Variants in NUP188 observed in about 807,000 individuals in gnomAD.
NUP188 encodes nucleoporin NUP188.
In NUP188, 97 loss-of-function variants were observed where a neutral mutation model predicts 223.0. The ratio of observed to expected loss-of-function variants is 0.43; its 90% confidence interval spans 0.37 to 0.51. The LOEUF (loss-of-function observed/expected upper bound fraction) is 0.51. Ranked by LOEUF, NUP188 falls within the 20% of genes least tolerant of loss-of-function variation. The pLI, the probability that NUP188 is intolerant of heterozygous loss-of-function variation, is 0.00. For synonymous variants in NUP188, 869 were observed against 828.0 expected (o/e 1.05, Z -0.85); for missense variants, 1,947 against 2,175.6 (o/e 0.89, Z 2.09).
Position 128,983,334 on chromosome 9 carries a change from C to CT in NUP188, c.1840dup (p.Cys614LeufsTer19). 3 of 1,614,202 alleles carry CT rather than the reference C, an allele frequency of 1.9e-6. No individual in the cohort carries two copies. Among genetic ancestry groups the CT allele is most frequent in the Non-Finnish European group, 2.5e-6 (3 of 1,180,036 alleles). On this transcript the variant is annotated frameshift_variant, in exon 18 of 44. Transcript: ENST00000372577. LOFTEE classifies it high-confidence loss of function. Reference sequence around the variant, plus strand: ...TCCCCACCTGTGGATGTCATTGCTTCTTGTGTCAACTGCTTAACTGTTTTG... The same window carrying CT: ...TCCCCACCTGTGGATGTCATTGCTTCTTTGTGTCAACTGCTTAACTGTTTTG...
chr9:128,999,334 G>A lies in NUP188; in HGVS notation c.3661+17G>A, dbSNP rs1842594595. On this transcript the variant is annotated intron_variant, in intron 33 of 43. Transcript: ENST00000372577. Reference sequence around the variant, plus strand: ...AGATGAAAGGTGAGGGGCAGAGGCAGGGGGAGCAGCAGCTGCAGTCTGCCC... The same window carrying A: ...AGATGAAAGGTGAGGGGCAGAGGCAAGGGGAGCAGCAGCTGCAGTCTGCCC... 6.2e-7 allele frequency: 1 copy of A among 1,611,712 alleles called. No homozygotes were observed. The highest frequency in any genetic ancestry group is 1.1e-5 in the South Asian group (1 of 90,976).
chr9:128,992,144 G>A (rs561125954), intron 25 of NUP188, among the ~76,000 whole-genome samples: 139 of 151,744 alleles, frequency 9.2e-4, no homozygotes, highest in Non-Finnish European at 9.7e-4. Flanking sequence ...TGATCTGCCC[G>A]CTTGGCCTCC....
chr9:128,967,882 G>A (rs1842053092), intron 8 of NUP188, among the ~76,000 whole-genome samples: 1 of 152,178 alleles, frequency 6.6e-6, no homozygotes, highest in African/African-American at 2.4e-5. Flanking sequence ...GATTGCTTGA[G>A]CCCGGTGGGT....
chr9:128,993,255 C>G lies in NUP188; in HGVS notation c.2699C>G (p.Ala900Gly), dbSNP rs1410521249. The G allele has an allele frequency of 4.3e-6, 7 of 1,614,194 alleles. No homozygotes were observed. Among genetic ancestry groups the G allele is most frequent in the South Asian group, 1.1e-5 (1 of 91,086 alleles). ...LGNDAAAIRD[A>G]FLTRLQSKIE... ...AATGATGCGGCTGCCATTCGTGATG[C>G]CTTCCTGACCCGATTGCAGAGCAAA... The change falls in exon 26 of 44, where the codon GCC becomes GGC. Residue 900 changes from alanine (A) to glycine (G), a missense_variant. Transcript: ENST00000372577.
At chr9:128,979,046 A>G (rs1289161895) in intron 12 of NUP188, among the ~76,000 whole-genome samples, 1 of 152,104 alleles carries the variant, frequency 6.6e-6, no homozygotes, top group Non-Finnish European at 1.5e-5. Context: ...CTGACTTTCT[A>G]TATTAAGGTG....
rs749326243 is a variant in NUP188, at chr9:128,983,027, C to T, written c.1795C>T (p.Arg599Trp). 1.5e-5 allele frequency: 25 copies of T among 1,613,788 alleles called. No homozygotes were observed. Among genetic ancestry groups the T allele is most frequent in the South Asian group, 5.5e-5 (5 of 91,066 alleles). The change falls in exon 17 of 44, where the codon CGG becomes TGG. Residue 599 changes from arginine (R) to tryptophan (W), a missense_variant and splice_region_variant. Arg to Trp is a moderately radical substitution (Grantham distance 101). Around this residue, in one of 3 missense-constraint regions of NUP188, gnomAD observed 817 missense variants for 865.8 expected, o/e 0.94. Transcript: ENST00000372577. ...ITSRIYMLLQ[R>W]LTTVISPPVD... ...ATCTCGCATCTACATGCTGCTGCAG[C>T]GGTGAGTCTGTCTTGGCTGACCCTC...
At chr9:128,956,200 T>TGC (rs1187094045) in intron 3 of NUP188, 150 bp from the exon 4 acceptor site, 3 of 457,290 alleles carry the variant, frequency 6.6e-6, no homozygotes, top group African/African-American at 4.1e-5. Flanking sequence ...TGTGTGTGTG[T>TGC]GTGTGTGTGT....
chr9:128,987,060 G>A (rs1031170020), intron 22 of NUP188, among the ~76,000 whole-genome samples, 185 bp downstream of exon 22: 1 of 121,760 alleles, frequency 8.2e-6, no homozygotes, highest in Non-Finnish European at 1.8e-5. Context: ...CAGAGAAGTA[G>A]GAATGAGAGA....
At position 128,984,124 on chromosome 9, in the gene NUP188, A is replaced by ATTTTTT. The variant is rs1193631566; in HGVS notation, c.1961+588_1961+593dup. On this transcript the variant is annotated intron_variant, in intron 19 of 43. Transcript: ENST00000372577. Reference sequence around the variant, plus strand: ...GGCGTGAGCCACCGCGCCTGGCCTGATTTTTTTTTTTTTTTTTTTGAGATG... The same window carrying ATTTTTT: ...GGCGTGAGCCACCGCGCCTGGCCTGATTTTTTTTTTTTTTTTTTTTTTTTTGAGATG... 2.1e-4 allele frequency among the ~76,000 whole-genome samples: 20 copies of ATTTTTT among 93,050 alleles called. 3 individuals are homozygous for ATTTTTT. The highest frequency in any genetic ancestry group is 1.7e-3 in the East Asian group (5 of 2,964). 61.0% of individuals were successfully genotyped at this position (93,050 alleles called of 152,430 possible). A position where few individuals can be genotyped will look rare whatever the true frequency, so the allele number is the denominator to read the frequency against.
In NUP188 at chr9:129,005,367, C is replaced by T. The variant is rs113816936; in HGVS notation, c.4574C>T (p.Ala1525Val). The change falls in exon 40 of 44, where the codon GCT (alanine) becomes GTT (valine). Residue 1525 changes from alanine (A) to valine (V), a missense_variant. Ala to Val is a moderately conservative substitution (Grantham distance 64). Transcript: ENST00000372577. ...CGAGTCCAGAGGCCACCGTCTGCTG[C>T]TTCTGCTGCCCCCTCCTCCTCAAAG... ...AQRVQRPPSA[A>V]SAAPSSSKQP... 826 of 1,613,710 alleles carry T rather than the reference C, an allele frequency of 5.1e-4. 6 individuals are homozygous for T. The African/African-American group carries it at 7.9e-3, about 15-fold the overall frequency.
At chr9:129,001,821 C>G in intron 35 of NUP188, 63 bp from the exon 36 acceptor site, 4 of 1,593,366 alleles carry the variant, frequency 2.5e-6, no homozygotes, top group Middle Eastern at 1.7e-4. Flanking sequence ...CCTGAGAGCC[C>G]TACCTACCCT....
chr9:128,981,062 CTGCCCT>C (rs1157554346), intron 14 of NUP188, among the ~76,000 whole-genome samples, 196 bp from the exon 15 acceptor site: 1 of 152,198 alleles, frequency 6.6e-6, no homozygotes, highest in Non-Finnish European at 1.5e-5. Flanking sequence ...GGAGAGATAA[CTGCCCT>C]TGTGGAGTGA....
chr9:128,973,068 T>A (rs1842123995), intron 11 of NUP188, 92 bp from the exon 12 acceptor site: 1 of 606,890 alleles, frequency 1.6e-6, no homozygotes, highest in Non-Finnish European at 2.6e-6. Context: ...CCCATTTGTT[T>A]ACAAAGAATA....
At chr9:128,958,192 A>G (rs570511111) in intron 6 of NUP188, 138 bp downstream of exon 6, 2 of 638,492 alleles carry the variant, frequency 3.1e-6, no homozygotes, top group East Asian at 2.9e-5. Context: ...ATATTAACTC[A>G]TTTATGAAAA....
Position 129,005,453 on chromosome 9 carries a change from C to T in NUP188, c.4660C>T (p.Leu1554Phe), listed in dbSNP as rs753644409. Residue 1554 changes from leucine (L) to phenylalanine (F), a missense_variant, in exon 40 of 44, where the codon CTT (leucine) becomes TTT (phenylalanine). Physicochemically the swap from Leu to Phe is conservative, Grantham distance 22. Transcript: ENST00000372577. Reference sequence around the variant, plus strand: ...GGCCTTGCACACAGTCCAGTATGGCCTTCTCAAGATCCTCAGCAAGACGCT... The same window carrying T: ...GGCCTTGCACACAGTCCAGTATGGCTTTCTCAAGATCCTCAGCAAGACGCT... Reference protein sequence around the residue: ...QQALHTVQYGLLKILSKTLAA... With the variant: ...QQALHTVQYGFLKILSKTLAA... The T allele has an allele frequency of 3.1e-6, 5 of 1,607,384 alleles. No individual in the cohort carries two copies. The South Asian group carries it at 3.3e-5, about 11-fold the overall frequency.
chr9:128,960,607 A>G (rs1446389994), intron 8 of NUP188, among the ~76,000 whole-genome samples: 1 of 152,206 alleles, frequency 6.6e-6, no homozygotes, highest in Non-Finnish European at 1.5e-5. Flanking sequence ...AGGACAATAT[A>G]AAATTTAAGT....
At chr9:128,967,747 G>T (rs1016657211) in intron 8 of NUP188, among the ~76,000 whole-genome samples, 1 of 151,760 alleles carries the variant, frequency 6.6e-6, no homozygotes, top group East Asian at 1.9e-4. Flanking sequence ...CCAAGATCGC[G>T]CCATTGCACT....
intron 35 of NUP188, 54 bp from the exon 36 acceptor site, chr9:129,001,830 C>T (rs1842674974): frequency 1.9e-6 from 3 of 1,586,232 alleles, no homozygotes; most frequent in Non-Finnish European, 2.6e-6. Flanking sequence ...CCTACCTACC[C>T]TAGGCAGGGC....
At chr9:128,995,585 T>C in intron 30 of NUP188, 71 bp downstream of exon 30, 1 of 1,277,932 alleles carries the variant, frequency 7.8e-7, no homozygotes. Context: ...GCCTAGCAGA[T>C]ACAGCTCCTT....
Sources: allele counts gnomAD v4.1 joint callset (sites outside exome capture counted in the v4.1 genomes callset), GRCh38; gene constraint gnomAD v4.1.1; regional missense constraint gnomAD v4.1.1; transcripts MANE v1.5; gene names NCBI Gene and HGNC (gene_info 2026-07-23, HGNC 2026-07-21).